The following KLF8 variants were observed in gnomAD, a reference collection of about 807,000 sequenced individuals.
The protein encoded by KLF8 is Krueppel-like factor 8.
Under a neutral mutation model 18.2 loss-of-function variants are expected in KLF8, and 10 were observed. That is an observed-to-expected ratio of 0.55 (90% CI 0.34 to 0.93). The LOEUF (loss-of-function observed/expected upper bound fraction) is 0.93, where lower values mean the gene tolerates loss of function less well. KLF8 is among the 40% of genes least tolerant of loss of function. KLF8 has a pLI of 0.02. For synonymous variants in KLF8, 109 were observed against 97.3 expected, an observed-to-expected ratio of 1.12 and a Z score of -0.71; for missense variants, 264 against 277.9, an observed-to-expected ratio of 0.95 and a Z score of 0.36.
At chrX:56,029,890 G>T in the KLF8 span, among the ~76,000 whole-genome samples, 3 of 111,509 alleles carry the variant, frequency 2.7e-5, no homozygotes, top group Admixed American at 2.8e-4. Context: ...CCTCCTTATG[G>T]CTTTCTCTGC....
the KLF8 span, among the ~76,000 whole-genome samples, chrX:56,129,331 G>A: frequency 2.7e-5 from 3 of 111,945 alleles, no homozygotes; most frequent in African/African-American, 9.8e-5. Flanking sequence ...CCGGGAGATA[G>A]CCCAAATACT....
the KLF8 span, among the ~76,000 whole-genome samples, chrX:55,936,398 G>A: frequency 8.9e-6 from 1 of 112,494 alleles, no homozygotes; most frequent in Non-Finnish European, 1.9e-5. Context: ...AGTCGAGGTG[G>A]AGCCAAGATG....
chrX:56,158,269 A>G, the KLF8 span, among the ~76,000 whole-genome samples: 2 of 111,959 alleles, frequency 1.8e-5, no homozygotes, highest in Non-Finnish European at 3.8e-5. Context: ...TGGTACCAGT[A>G]CCATGCTGTT....
At chrX:56,220,396 G>A in the KLF8 span, among the ~76,000 whole-genome samples, 1 of 112,258 alleles carries the variant, frequency 8.9e-6, no homozygotes, top group Non-Finnish European at 1.9e-5. Context: ...GAACTCCCAG[G>A]AATTCTTATG....
the KLF8 span, among the ~76,000 whole-genome samples, chrX:56,142,870 C>T: frequency 1.8e-5 from 2 of 112,023 alleles, no homozygotes; most frequent in Admixed American, 9.5e-5. Context: ...ATCTCAACAC[C>T]TCTAACATTA....
chrX:56,190,094 C>T, the KLF8 span, among the ~76,000 whole-genome samples: 4 of 110,427 alleles, frequency 3.6e-5, no homozygotes, highest in Non-Finnish European at 5.7e-5. Context: ...AATCACATTT[C>T]GTCTATAAAG....
the KLF8 span, among the ~76,000 whole-genome samples, chrX:56,164,115 T>TA: frequency 3.8e-5 from 4 of 105,964 alleles, no homozygotes; most frequent in African/African-American, 1.0e-4. Flanking sequence ...TTTTATTTTT[T>TA]TTTTAAACAA....
intron 5 of KLF8, among the ~76,000 whole-genome samples, chrX:56,280,382 T>C (rs919760881): frequency 5.4e-5 from 6 of 111,534 alleles, no homozygotes; most frequent in African/African-American, 2.0e-4. Flanking sequence ...TACAGGCACA[T>C]GCCACCACAC....
the KLF8 span, among the ~76,000 whole-genome samples, chrX:56,158,559 A>T: frequency 4.5e-5 from 5 of 111,017 alleles, no homozygotes; most frequent in Admixed American, 3.8e-4. Context: ...ATCCTCTTTT[A>T]TTTCCTTGAG....
At chrX:56,275,412 G>T (rs2067107864) in intron 5 of KLF8, among the ~76,000 whole-genome samples, 1 of 110,716 alleles carries the variant, frequency 9.0e-6, no homozygotes, top group South Asian at 3.8e-4. Context: ...GGAGGCTTTA[G>T]GTTTTTCCAA....
At chrX:56,030,230 C>A in the KLF8 span, among the ~76,000 whole-genome samples, 3 of 111,455 alleles carry the variant, frequency 2.7e-5, no homozygotes, top group Middle Eastern at 4.6e-3. Context: ...ATTGTCTTAG[C>A]CTCTCCATAT....
the KLF8 span, among the ~76,000 whole-genome samples, chrX:56,183,376 C>T: frequency 1.8e-5 from 2 of 111,971 alleles, no homozygotes; most frequent in Non-Finnish European, 3.8e-5. Flanking sequence ...ATCGCGGCTC[C>T]CCTTGGCTAG....
the KLF8 span, among the ~76,000 whole-genome samples, chrX:55,945,393 G>A: frequency 1.8e-5 from 2 of 111,005 alleles, no homozygotes; most frequent in African/African-American, 6.6e-5. Flanking sequence ...CCTTGTTAAC[G>A]TTCTGTCTCA....
chrX:55,971,686 T>C, the KLF8 span, among the ~76,000 whole-genome samples: 1 of 110,684 alleles, frequency 9.0e-6, no homozygotes, highest in African/African-American at 3.3e-5. Flanking sequence ...ACCAGCATAA[T>C]AAGGAGCTCA....
chrX:56,211,599 G>A, the KLF8 span, among the ~76,000 whole-genome samples: 1 of 112,216 alleles, frequency 8.9e-6, no homozygotes, highest in African/African-American at 3.2e-5. Context: ...AGCCAGGCCT[G>A]TGTCCTTTCC....
chrX:56,074,617 T>C, the KLF8 span: 4 of 129,069 alleles, frequency 3.1e-5, no homozygotes, highest in Non-Finnish European at 4.7e-5. Flanking sequence ...GGTTTATATC[T>C]CAAATATAAA....
chrX:55,937,595 G>A, the KLF8 span, among the ~76,000 whole-genome samples: 1 of 111,573 alleles, frequency 9.0e-6, no homozygotes, highest in Non-Finnish European at 1.9e-5. Flanking sequence ...GAGGAAGTTC[G>A]AACCAATGGC....
the KLF8 span, among the ~76,000 whole-genome samples, chrX:56,092,848 C>T: frequency 9.2e-6 from 1 of 109,030 alleles, no homozygotes; most frequent in African/African-American, 3.3e-5. Flanking sequence ...AAAACTCTGT[C>T]ACAGAATCAA....
chrX:55,980,831 A>C, the KLF8 span, among the ~76,000 whole-genome samples: 1 of 112,165 alleles, frequency 8.9e-6, no homozygotes, highest in African/African-American at 3.2e-5. Context: ...ATTTGCCTTA[A>C]AATCTTAGGC....
Sources: gnomAD v4.1 joint callset for allele counts (sites outside exome capture counted in the v4.1 genomes callset) on GRCh38, gnomAD v4.1.1 for gene constraint, MANE v1.5 for transcripts, NCBI Gene and HGNC (gene_info 2026-07-23, HGNC 2026-07-21) for gene names.